The following CERS6 variants were observed in gnomAD, a reference collection of about 807,000 sequenced individuals.
The protein encoded by CERS6 is LAG1 homolog, ceramide synthase 6.
A neutral mutation model predicts 56.8 loss-of-function variants in CERS6; 26 were observed. That is an observed-to-expected ratio of 0.46 (90% CI 0.34 to 0.63). The LOEUF is 0.63. Among genes scored for constraint, CERS6 ranks in the 30% least tolerant of loss-of-function variants. The pLI is 0.01. For missense variants in CERS6, 415 were observed against 467.5 expected (o/e 0.89, Z 1.04); for synonymous variants, 164 against 173.3 (o/e 0.95, Z 0.42).
intron 3 of CERS6, among the ~76,000 whole-genome samples, chr2:168,595,437 G>A (rs1316510333): frequency 6.6e-6 from 1 of 152,108 alleles, no homozygotes; most frequent in Non-Finnish European, 1.5e-5. Flanking sequence ...AGACACTTTG[G>A]GGAGTGTAAA....
chr2:168,463,265 G>T (rs1417793731), intron 1 of CERS6, among the ~76,000 whole-genome samples: 1 of 152,028 alleles, frequency 6.6e-6, no homozygotes, highest in Admixed American at 6.6e-5. Context: ...GTATATATAT[G>T]GTTTTATATT....
chr2:168,549,601 C>T (rs778326508), intron 2 of CERS6, among the ~76,000 whole-genome samples: 1 of 152,210 alleles, frequency 6.6e-6, no homozygotes, highest in Non-Finnish European at 1.5e-5. Flanking sequence ...CGCCACTGCA[C>T]TCCAGCCTGG....
At chr2:168,635,209 T>G (rs1189797542) in intron 4 of CERS6, among the ~76,000 whole-genome samples, 1 of 151,996 alleles carries the variant, frequency 6.6e-6, no homozygotes. Flanking sequence ...TTACAGAACA[T>G]AGAGGCTCAA....
intron 1 of CERS6, among the ~76,000 whole-genome samples, chr2:168,515,042 C>A (rs1193996961): frequency 2.6e-5 from 4 of 152,086 alleles, no homozygotes; most frequent in South Asian, 2.1e-4. Context: ...AAAATAATTT[C>A]TTTGTAATTG....
At chr2:168,720,887 A>C (rs1687347713) in intron 8 of CERS6, among the ~76,000 whole-genome samples, 1 of 152,192 alleles carries the variant, frequency 6.6e-6, no homozygotes, top group South Asian at 2.1e-4. Context: ...TTATAGAAAG[A>C]TTTAACCTCA....
chr2:168,519,759 A>G (rs181480310), intron 1 of CERS6, among the ~76,000 whole-genome samples: 1 of 152,182 alleles, frequency 6.6e-6, no homozygotes, highest in East Asian at 1.9e-4. Flanking sequence ...GTGTATATGT[A>G]TTAGGTTGGT....
chr2:168,665,734 A>T (rs1419462104), intron 4 of CERS6, among the ~76,000 whole-genome samples: 1 of 152,178 alleles, frequency 6.6e-6, no homozygotes, highest in Non-Finnish European at 1.5e-5. Context: ...ACAGTGACTG[A>T]CATACAGTAG....
At chr2:168,729,069 T>G (rs926082510) in intron 8 of CERS6, among the ~76,000 whole-genome samples, 10 of 149,334 alleles carry the variant, frequency 6.7e-5, no homozygotes, top group Non-Finnish European at 1.5e-4. Flanking sequence ...ACAGAATTAA[T>G]GTCTTAAGTG....
chr2:168,735,333 A>G (rs1033143032), intron 8 of CERS6, among the ~76,000 whole-genome samples: 2 of 152,130 alleles, frequency 1.3e-5, no homozygotes, highest in African/African-American at 4.8e-5. Flanking sequence ...AATTAAGGTT[A>G]ATGGTAGATT....
At chr2:168,622,317 T>A (rs564932633) in intron 3 of CERS6, among the ~76,000 whole-genome samples, 1 of 152,364 alleles carries the variant, frequency 6.6e-6, no homozygotes, top group Admixed American at 6.5e-5. Context: ...AAATTTATGC[T>A]GGGCCGCATT....
intron 1 of CERS6, among the ~76,000 whole-genome samples, chr2:168,538,260 GT>G (rs1695302170): frequency 7.8e-6 from 1 of 128,970 alleles, no homozygotes; most frequent in Non-Finnish European, 1.7e-5. Context: ...AAAAAAAAAA[GT>G]CCCTAAAATG....
At chr2:168,709,663 C>G (rs111266364) in intron 6 of CERS6, among the ~76,000 whole-genome samples, 1,742 of 152,266 alleles carry the variant, frequency 0.011, 35 homozygotes, top group African/African-American at 0.039. Flanking sequence ...CAGTCTCTCT[C>G]TTTAATTGCA....
intron 3 of CERS6, among the ~76,000 whole-genome samples, chr2:168,561,899 G>A (rs553031946): frequency 1.4e-4 from 22 of 152,166 alleles, no homozygotes; most frequent in African/African-American, 5.3e-4. Flanking sequence ...TATATTAAAG[G>A]ACCCACAGAG....
At chr2:168,750,573 A>C (rs898359015) in intron 8 of CERS6, among the ~76,000 whole-genome samples, 3 of 152,132 alleles carry the variant, frequency 2.0e-5, no homozygotes, top group African/African-American at 7.2e-5. Context: ...CATTTCATTA[A>C]ATGTTCTTCT....
At chr2:168,653,982 A>G (rs928560032) in intron 4 of CERS6, among the ~76,000 whole-genome samples, 7 of 152,212 alleles carry the variant, frequency 4.6e-5, no homozygotes, top group African/African-American at 1.4e-4. Flanking sequence ...CCCTCAATAT[A>G]TAATCTTCCT....
chr2:168,560,629 G>T (rs1340237411), intron 2 of CERS6, among the ~76,000 whole-genome samples: 2 of 152,162 alleles, frequency 1.3e-5, no homozygotes, highest in South Asian at 4.1e-4. Context: ...TGTGAAAAAT[G>T]GGGACAAAGG....
At chr2:168,765,825 A>C in intron 9 of CERS6, 77 bp downstream of exon 9, 1 of 1,278,826 alleles carries the variant, frequency 7.8e-7, no homozygotes, top group South Asian at 1.5e-5. Context: ...ACTATTTACT[A>C]TTCCATATTT....
chr2:168,578,185 T>G (rs1300463816), intron 3 of CERS6, among the ~76,000 whole-genome samples: 2 of 152,144 alleles, frequency 1.3e-5, no homozygotes, highest in East Asian at 3.9e-4. Flanking sequence ...TTTTTTTTTT[T>G]TTAATCATTT....
At chr2:168,552,805 T>G (rs1206886206) in intron 2 of CERS6, among the ~76,000 whole-genome samples, 1 of 152,012 alleles carries the variant, frequency 6.6e-6, no homozygotes, top group African/African-American at 2.4e-5. Flanking sequence ...TCAAGAAAAT[T>G]CAACTAATTC....
Sources: allele counts gnomAD v4.1 joint callset (sites outside exome capture counted in the v4.1 genomes callset), GRCh38; gene constraint gnomAD v4.1.1; transcripts MANE v1.5; gene names NCBI Gene and HGNC (gene_info 2026-07-23, HGNC 2026-07-21).